Variants in DDX42 observed in about 807,000 individuals in gnomAD.
DDX42 encodes DEAD-box helicase 42, also known as ATP-dependent RNA helicase DDX42.
A neutral mutation model predicts 101.5 loss-of-function variants in DDX42; 22 were observed. The observed-to-expected ratio is 0.22, with a 90% confidence interval of 0.15 to 0.31. The LOEUF (loss-of-function observed/expected upper bound fraction) is 0.31, where lower values mean the gene tolerates loss of function less well. DDX42 is among the 10% of genes least tolerant of loss of function. DDX42 has a pLI of 1.00. For synonymous variants in DDX42, 402 were observed against 401.2 expected (o/e 1.00, Z -0.02); for missense variants, 849 against 1,199.9 (o/e 0.71, Z 4.32).
intron 6 of DDX42, among the ~76,000 whole-genome samples, chr17:63,802,537 G>A (rs1457821472): frequency 6.6e-6 from 1 of 152,236 alleles, no homozygotes; most frequent in Non-Finnish European, 1.5e-5. Flanking sequence ...GGAGGCTGAG[G>A]CGGGTAGATC....
chr17:63,802,367 T>A (rs868089726), intron 6 of DDX42, among the ~76,000 whole-genome samples: 1 of 152,234 alleles, frequency 6.6e-6, no homozygotes, highest in Non-Finnish European at 1.5e-5. Context: ...TGTGTTTGAG[T>A]TGTAAGGTGA....
intron 2 of DDX42, among the ~76,000 whole-genome samples, 155 bp from the exon 3 acceptor site, chr17:63,792,257 A>G (rs1468641443): frequency 6.6e-6 from 1 of 152,174 alleles, no homozygotes; most frequent in East Asian, 1.9e-4. Context: ...AGTACTTAAT[A>G]ATTAGGTCAT....
chr17:63,813,134 A>G, intron 14 of DDX42, 94 bp from the exon 15 acceptor site: 2 of 1,196,238 alleles, frequency 1.7e-6, no homozygotes, highest in Non-Finnish European at 2.3e-6. Flanking sequence ...GCCTAGATAA[A>G]GGAAATGTGG....
chr17:63,818,486 A>C lies in DDX42; in HGVS notation c.*88A>C. 1 of 1,250,160 alleles carries C rather than the reference A, an allele frequency of 8.0e-7. No individual in the cohort carries two copies. Among genetic ancestry groups the C allele is most frequent in the Non-Finnish European group, 1.1e-6 (1 of 911,530 alleles). 77.4% of individuals were successfully genotyped at this position (1,250,160 alleles called of 1,614,324 possible). On this transcript the variant is annotated 3_prime_UTR_variant, in exon 18 of 18. Coordinates refer to ENST00000389924, the MANE Select transcript of DDX42 (RefSeq NM_203499.3). Reference sequence around the variant, plus strand: ...GTGTCTCAGGGCTGGGTTGGGGTCCAAAGTGTAAGGACCCCCTGCCCTTAG... The same window carrying C: ...GTGTCTCAGGGCTGGGTTGGGGTCCCAAGTGTAAGGACCCCCTGCCCTTAG...
chr17:63,786,937 A>G (rs2039554322), intron 1 of DDX42, 97 bp from the exon 2 acceptor site: 1 of 1,258,762 alleles, frequency 7.9e-7, no homozygotes, highest in South Asian at 1.4e-5. Flanking sequence ...TGGCCTCCCA[A>G]AGTGCTGGGA....
intron 9 of DDX42, 38 bp downstream of exon 9, chr17:63,807,938 G>A (rs1413228705): frequency 6.3e-7 from 1 of 1,580,940 alleles, no homozygotes; most frequent in African/African-American, 1.4e-5. Flanking sequence ...TCCATATGTG[G>A]ACTAGCAAGG....
chr17:63,815,491 T>G, intron 15 of DDX42, 72 bp from the exon 16 acceptor site: 3 of 1,185,740 alleles, frequency 2.5e-6, no homozygotes, highest in Non-Finnish European at 3.7e-6. Context: ...CTTAATTTCC[T>G]CTTTGTCCTC....
chr17:63,784,376 A>G (rs539287171), intron 1 of DDX42, among the ~76,000 whole-genome samples: 1 of 152,352 alleles, frequency 6.6e-6, no homozygotes, highest in Admixed American at 6.5e-5. Context: ...CTCTGTATAT[A>G]TAACTCATGG....
chr17:63,806,467 A>G, intron 7 of DDX42, 68 bp from the exon 8 acceptor site: 2 of 1,510,702 alleles, frequency 1.3e-6, no homozygotes, highest in Non-Finnish European at 1.8e-6. Flanking sequence ...CCAGGTAAGT[A>G]TTGTTGAACT....
intron 6 of DDX42, among the ~76,000 whole-genome samples, chr17:63,803,329 C>T (rs1249366494): frequency 6.6e-6 from 1 of 151,992 alleles, no homozygotes; most frequent in Non-Finnish European, 1.5e-5. Context: ...TGGCTCATGC[C>T]TGTAATTCCA....
chr17:63,810,381 G>A (rs2039895322), intron 11 of DDX42, 132 bp from the exon 12 acceptor site: 4 of 841,478 alleles, frequency 4.8e-6, no homozygotes, highest in Non-Finnish European at 5.4e-6. Flanking sequence ...ATGAGCCACT[G>A]TGCCTGGCCT....
In DDX42 at chr17:63,787,002, T is replaced by G. The variant is rs753598817; in HGVS notation, c.-16-32T>G. On this transcript the variant is annotated intron_variant, in intron 1 of 17. Transcript: ENST00000389924. ...TTGGGGCTATACACTTTTTTAAGTT[T>G]AATTTATATTTGTGTATCTTATTCC... 21 of 1,607,866 alleles carry G rather than the reference T, an allele frequency of 1.3e-5. No homozygotes were observed. The Admixed American group carries it at 3.5e-4, about 27-fold the overall frequency.
At position 63,778,875 on chromosome 17, in the gene DDX42, G is replaced by C. The variant is rs2039452828; in HGVS notation, c.-17+4499G>C. Among the ~76,000 whole-genome samples, 3 of 152,116 alleles carry C rather than the reference G, an allele frequency of 2.0e-5. No individual in the cohort carries two copies. In the South Asian group the frequency reaches 6.2e-4, roughly 31 times the overall value. On this transcript the variant is annotated intron_variant, in intron 1 of 17. Transcript: ENST00000389924. The stretch of plus-strand genomic sequence containing the variant: ...AGGATGGTCTTGATCTCCTGACCTT[G>C]TGATCCGTCCACCTCGGCCTCCCAA...
At chr17:63,778,978 C>A (rs1598319925) in intron 1 of DDX42, among the ~76,000 whole-genome samples, 1 of 151,954 alleles carries the variant, frequency 6.6e-6, no homozygotes, top group East Asian at 1.9e-4. Flanking sequence ...TGAGGGATGT[C>A]CCTCATAGTA....
intron 1 of DDX42, among the ~76,000 whole-genome samples, chr17:63,779,143 CA>C (rs1387714655): frequency 6.6e-6 from 1 of 152,150 alleles, no homozygotes; most frequent in Non-Finnish European, 1.5e-5. Flanking sequence ...TTAGGTATTT[CA>C]AAAGGGTTCT....
At chr17:63,785,543 G>C (rs1378521826) in intron 1 of DDX42, among the ~76,000 whole-genome samples, 2 of 151,508 alleles carry the variant, frequency 1.3e-5, no homozygotes, top group East Asian at 1.9e-4. Context: ...GAGAGGGGGG[G>C]GTCTCTTGAG....
chr17:63,800,138 C>T (rs2039744720), intron 5 of DDX42: 1 of 238,374 alleles, frequency 4.2e-6, no homozygotes, highest in Non-Finnish European at 8.1e-6. Flanking sequence ...AACTTCCAAA[C>T]TTGGATTGTT....
At position 63,817,938 on chromosome 17, in the gene DDX42, G is replaced by T. The variant is rs537771359; in HGVS notation, c.2357G>T (p.Gly786Val). ...ACCTACCCGTCTGCCGGAGCCCAAG[G>T]AGTCAACAACACAGCTTCAGGGAAT... ...PVTYPSAGAQ[G>V]VNNTASGNNS... Residue 786 changes from glycine to valine, a missense_variant, in exon 18 of 18, where the codon GGA becomes GTA. By Grantham distance (109) the Gly-to-Val change is moderately radical. Around this residue, in one of 5 missense-constraint regions of DDX42, gnomAD observed 300 missense variants for 304.9 expected, o/e 0.98. Transcript: ENST00000389924. The T allele has an allele frequency of 2.5e-6, 4 of 1,614,182 alleles. No homozygotes were observed. Among genetic ancestry groups the T allele is most frequent in the Non-Finnish European group, 3.4e-6 (4 of 1,180,032 alleles).
At chr17:63,781,957 C>T (rs951676210) in intron 1 of DDX42, among the ~76,000 whole-genome samples, 18 of 152,008 alleles carry the variant, frequency 1.2e-4, no homozygotes, top group African/African-American at 4.4e-4. Flanking sequence ...TTGCAGTGAG[C>T]CGAGATTGTG....
Sources: gnomAD v4.1 joint callset for allele counts (sites outside exome capture counted in the v4.1 genomes callset) on GRCh38, gnomAD v4.1.1 for gene constraint, gnomAD v4.1.1 regional missense constraint, MANE v1.5 for transcripts, NCBI Gene and HGNC (gene_info 2026-07-23, HGNC 2026-07-21) for gene names.